Variants in GPR21 observed in about 807,000 individuals in gnomAD.
The protein encoded by GPR21 is G protein-coupled receptor 21.
GPR21 carries 9 observed loss-of-function variants against 21.5 expected under a neutral mutation model. That is an observed-to-expected ratio of 0.42 (90% confidence interval 0.25 to 0.73). GPR21 has a LOEUF of 0.73. Ranked by LOEUF, GPR21 falls within the 30% of genes least tolerant of loss-of-function variation. The pLI is 0.27. For missense variants in GPR21, 416 were observed against 428.9 expected (o/e 0.97, Z 0.27); for synonymous variants, 169 against 159.3 (o/e 1.06, Z -0.46).
At chr9:123,041,160 T>C in the GPR21 span, among the ~76,000 whole-genome samples, 1 of 152,222 alleles carries the variant, frequency 6.6e-6, no homozygotes, top group Non-Finnish European at 1.5e-5. Flanking sequence ...ATAAACTTTA[T>C]GTTAATACTT....
At position 123,035,214 on chromosome 9, in the gene GPR21, C is replaced by T. The variant is rs72753270; in HGVS notation, c.648C>T (p.Arg216=). The change falls in exon 2 of 2, where the codon CGC becomes CGT. Residue 216 remains arginine (R), a synonymous_variant. Coordinates refer to ENST00000616002, the MANE Select transcript of GPR21 (RefSeq NM_005294.3). ...GCTTCACCTATTTCAACATCTTCCG[C>T]ATCTGCCAACAGCACACAAAGGATA... ...IVCFTYFNIF[R]ICQQHTKDIS... 14,250 of 1,614,156 alleles carry T rather than the reference C, an allele frequency of 8.8e-3. 90 individuals carry two copies. Among genetic ancestry groups the T allele is most frequent in the Admixed American group, 0.01 (610 of 60,010 alleles).
downstream of GPR21, among the ~76,000 whole-genome samples, chr9:123,040,014 T>G (rs890025720): frequency 2.0e-5 from 3 of 152,176 alleles, no homozygotes; most frequent in Non-Finnish European, 2.9e-5. Context: ...TAGGGAAAGT[T>G]TAAGCAATCA....
rs780216187 is a variant in GPR21, at chr9:123,035,414, G to A, written c.848G>A (p.Arg283His). Residue 283 changes from arginine (R) to histidine (H), a missense_variant, in exon 2 of 2, where the codon CGC becomes CAC. Coordinates refer to ENST00000616002, the MANE Select transcript of GPR21 (RefSeq NM_005294.3). ...LLESSTGHSN[R>H]FASFLTTWLA... ...GAAAGCTCCACTGGCCACAGCAACC[G>A]CTTCGCATCCTTCTTGACCACCTGG... 279 of 1,614,006 alleles carry A rather than the reference G, an allele frequency of 1.7e-4. No individual in the cohort carries two copies. The highest frequency in any genetic ancestry group is 2.2e-4 in the Non-Finnish European group (262 of 1,180,018).
the GPR21 span, among the ~76,000 whole-genome samples, chr9:123,043,633 G>T: frequency 6.6e-6 from 1 of 151,704 alleles, no homozygotes. Context: ...GGAAGTGTTT[G>T]GGGGGTGAGG....
intron 1 of GPR21, among the ~76,000 whole-genome samples, 155 bp downstream of exon 1, chr9:123,033,897 A>G (rs1200769697): frequency 6.6e-6 from 1 of 152,186 alleles, no homozygotes. Context: ...TTATAAGCAA[A>G]TTCCTTTTCT....
chr9:123,045,394 AT>A, the GPR21 span, among the ~76,000 whole-genome samples: 1 of 152,196 alleles, frequency 6.6e-6, no homozygotes, highest in South Asian at 2.1e-4. Flanking sequence ...GCCTTTTTTC[AT>A]TTATAAAAGT....
downstream of GPR21, among the ~76,000 whole-genome samples, chr9:123,037,775 TC>T (rs889700045): frequency 6.6e-6 from 1 of 152,160 alleles, no homozygotes; most frequent in Admixed American, 6.5e-5. Context: ...CACAGTAGTG[TC>T]CCCTTTAGTG....
At chr9:123,043,963 C>G in the GPR21 span, among the ~76,000 whole-genome samples, 2 of 148,278 alleles carry the variant, frequency 1.3e-5, no homozygotes, top group South Asian at 4.2e-4. Flanking sequence ...TGCAATGGCG[C>G]GATCTCGGCT....
chr9:123,038,149 A>G (rs1233509469), downstream of GPR21, among the ~76,000 whole-genome samples: 1 of 152,134 alleles, frequency 6.6e-6, no homozygotes, highest in Non-Finnish European at 1.5e-5. Context: ...GCAATTACAA[A>G]TGGACTAGTG....
In GPR21 at chr9:123,034,590, T is replaced by C. The variant is rs1474461101; in HGVS notation, c.24T>C (p.Asn8=). ...AGATGAACTCCACCTTGGATGGTAA[T>C]CAGAGCAGCCACCCTTTTTGCCTCT... is the stretch of plus-strand genomic sequence containing the variant. MNSTLDG[N]QSSHPFCLLA... is the part of the protein sequence containing the mutation. The change falls in exon 2 of 2, where the codon AAT becomes AAC. Residue 8 remains asparagine (N), a synonymous_variant. Transcript: ENST00000616002. 3.7e-6 allele frequency: 6 copies of C among 1,608,114 alleles called. No individual in the cohort carries two copies. Among genetic ancestry groups the C allele is most frequent in the Non-Finnish European group, 5.1e-6 (6 of 1,177,014 alleles).
chr9:123,034,781 C>T lies in GPR21; in HGVS notation c.215C>T (p.Ala72Val), dbSNP rs1362381840. 1 of 1,613,406 alleles carries T rather than the reference C, an allele frequency of 6.2e-7. No individual in the cohort carries two copies. The highest frequency in any genetic ancestry group is 8.5e-7 in the Non-Finnish European group (1 of 1,179,346). ...HTTSYFIQTM[A>V]YADLFVGVSC... is the part of the protein sequence containing the mutation. ...ACAAGTTATTTTATCCAGACTATGG[C>T]ATATGCTGACCTTTTTGTTGGGGTG... Residue 72 changes from alanine (A) to valine (V), a missense_variant, in exon 2 of 2, where the codon GCA becomes GTA. Coordinates refer to ENST00000616002, the MANE Select transcript of GPR21 (RefSeq NM_005294.3).
the GPR21 span, among the ~76,000 whole-genome samples, chr9:123,043,811 C>T: frequency 6.6e-6 from 1 of 151,910 alleles, no homozygotes; most frequent in African/African-American, 2.4e-5. Flanking sequence ...AAATGGTTGC[C>T]TCTAAGGAAT....
At chr9:123,037,564 T>C (rs999312998), downstream of GPR21, among the ~76,000 whole-genome samples, 4 of 152,224 alleles carry the variant, frequency 2.6e-5, no homozygotes, top group African/African-American at 9.6e-5. Flanking sequence ...GGTACAGATC[T>C]AAAAAACCAA....
chr9:123,035,318 C>G lies in GPR21; in HGVS notation c.752C>G (p.Ala251Gly). 6.2e-7 allele frequency: 1 copy of G among 1,614,144 alleles called. No individual in the cohort carries two copies. Among genetic ancestry groups the G allele is most frequent in the Middle Eastern group, 1.6e-4 (1 of 6,062 alleles). ...CAGGCCTGTCCTGATAAGCGCTATG[C>G]CATGGTCCTGTTTCGAATCACTAGT... ...EVQACPDKRY[A>G]MVLFRITSVF... The change falls in exon 2 of 2, where the codon GCC becomes GGC. Residue 251 changes from alanine (A) to glycine (G), a missense_variant. Ala to Gly is a moderately conservative substitution (Grantham distance 60). Transcript: ENST00000616002.
In GPR21 at chr9:123,034,241, C is replaced by G; in HGVS notation, c.-326C>G. 2.7e-6 allele frequency: 1 copy of G among 366,204 alleles called. No homozygotes were observed. The highest frequency in any genetic ancestry group is 4.9e-6 in the Non-Finnish European group (1 of 205,524). The allele number at this position is 366,204 out of a possible 1,614,324, so 22.7% of individuals were successfully genotyped here. A position where few individuals can be genotyped will look rare whatever the true frequency, so the allele number is the denominator to read the frequency against. Reference sequence around the variant, plus strand: ...TTCTTCCCTTCTCTTCTACCCTTTCCCCCTACCCTCACTTGGCCTGAAGAC... The same window carrying G: ...TTCTTCCCTTCTCTTCTACCCTTTCGCCCTACCCTCACTTGGCCTGAAGAC... On this transcript the variant is annotated 5_prime_UTR_variant, in exon 2 of 2. Coordinates refer to ENST00000616002, the MANE Select transcript of GPR21 (RefSeq NM_005294.3).
the GPR21 span, among the ~76,000 whole-genome samples, chr9:123,047,815 T>G: frequency 6.6e-6 from 1 of 151,946 alleles, no homozygotes; most frequent in South Asian, 2.1e-4. Flanking sequence ...AGCAGTTCAC[T>G]GATGGAGCTG....
the GPR21 span, among the ~76,000 whole-genome samples, chr9:123,043,839 G>C: frequency 6.6e-6 from 1 of 151,804 alleles, no homozygotes; most frequent in Non-Finnish European, 1.5e-5. Flanking sequence ...GAAGAGTGAA[G>C]GGAATTTCAT....
In GPR21 at chr9:123,035,411, A is replaced by T; in HGVS notation, c.845A>T (p.Asn282Ile). 5 of 1,614,142 alleles carry T rather than the reference A, an allele frequency of 3.1e-6. No homozygotes were observed. Among genetic ancestry groups the T allele is most frequent in the Non-Finnish European group, 4.2e-6 (5 of 1,180,002 alleles). ...FLLESSTGHS[N>I]RFASFLTTWL... Reference sequence around the variant, plus strand: ...TTGGAAAGCTCCACTGGCCACAGCAACCGCTTCGCATCCTTCTTGACCACC... The same window carrying T: ...TTGGAAAGCTCCACTGGCCACAGCATCCGCTTCGCATCCTTCTTGACCACC... The change falls in exon 2 of 2, where the codon AAC becomes ATC. Residue 282 changes from asparagine to isoleucine, a missense_variant. By Grantham distance (149) the Asn-to-Ile change is moderately radical (BLOSUM62 -3). Transcript: ENST00000616002.
At chr9:123,033,839 T>G (rs1438557762) in intron 1 of GPR21, 97 bp downstream of exon 1, 1 of 152,266 alleles carries the variant, frequency 6.6e-6, no homozygotes, top group Non-Finnish European at 1.5e-5. Context: ...GTAAATTATC[T>G]TGGCTAATTT....
Sources: gnomAD v4.1 joint callset for allele counts (sites outside exome capture counted in the v4.1 genomes callset) on GRCh38, gnomAD v4.1.1 for gene constraint, MANE v1.5 for transcripts, NCBI Gene and HGNC (gene_info 2026-07-23, HGNC 2026-07-21) for gene names.